Variants in EPHA5 observed in about 807,000 individuals in gnomAD.
EPHA5 encodes EPH receptor A5.
EPHA5 carries 60 observed loss-of-function variants against 105.0 expected under a neutral mutation model. The observed-to-expected ratio is 0.57, with a 90% CI of 0.46 to 0.71. EPHA5 has a LOEUF of 0.71. EPHA5 is among the 30% of genes least tolerant of loss of function. The probability of loss-of-function intolerance (pLI) is 0.00; values close to 1 mark genes in which losing one functional copy is unlikely to be tolerated. For synonymous variants in EPHA5, 513 were observed against 449.1 expected (o/e 1.14, Z -1.80); for missense variants, 1,218 against 1,274.7 (o/e 0.96, Z 0.68).
chr4:65,384,731 T>C (rs1390302270), intron 8 of EPHA5, among the ~76,000 whole-genome samples: 4 of 151,950 alleles, frequency 2.6e-5, no homozygotes, highest in Non-Finnish European at 5.9e-5. Context: ...GAAGAGATAA[T>C]CTTTACTAGT....
intron 11 of EPHA5, among the ~76,000 whole-genome samples, chr4:65,359,212 T>G (rs1311228363): frequency 6.6e-6 from 1 of 151,624 alleles, no homozygotes; most frequent in East Asian, 1.9e-4. Flanking sequence ...GTACGTGTAT[T>G]TATTAAAAAC....
Position 65,507,423 on chromosome 4 carries a change from T to C in EPHA5, c.911-11880A>G, listed in dbSNP as rs180708658. Among the ~76,000 whole-genome samples the C allele has an allele frequency of 4.0e-4, 61 of 152,308 alleles. No individual in the cohort carries two copies. In the East Asian group the frequency reaches 8.7e-3, roughly 22 times the overall value. ...GTGAAGAAAGCCATTGGTAGCTTAA[T>C]GGGGATGGCATTGAATCTATAAATT... On this transcript the variant is annotated intron_variant, in intron 3 of 16. Transcript: ENST00000613740.
At chr4:65,331,780 A>G (rs1720642414) in intron 16 of EPHA5, 193 bp downstream of exon 16, 3 of 1,247,640 alleles carry the variant, frequency 2.4e-6, no homozygotes, top group Non-Finnish European at 3.0e-6. Flanking sequence ...GAAGCAAAGA[A>G]GCAAAGATAC....
Position 65,321,812 on chromosome 4 carries a change from T to G in EPHA5, c.*2302A>C, listed in dbSNP as rs2148770297. ...GTTGGAAAACAATGTAGAAAATATCTTTGTTATGTCTAAGCAATTGTGGCA... is the reference window on the plus strand; with the variant it reads ...GTTGGAAAACAATGTAGAAAATATCGTTGTTATGTCTAAGCAATTGTGGCA... On this transcript the variant is annotated 3_prime_UTR_variant, in exon 17 of 17. Coordinates refer to ENST00000613740, the MANE Select transcript of EPHA5 (RefSeq NM_001281766.3). The G allele has an allele frequency of 4.4e-6, 1 of 227,514 alleles. No individual in the cohort carries two copies. Among genetic ancestry groups the G allele is most frequent in the African/African-American group, 2.2e-5 (1 of 45,156 alleles). 14.1% of individuals were successfully genotyped at this position (227,514 alleles called of 1,614,324 possible).
chr4:65,331,938 G>A (rs2148797633), intron 16 of EPHA5, 35 bp downstream of exon 16: 1 of 1,568,286 alleles, frequency 6.4e-7, no homozygotes, highest in Non-Finnish European at 8.6e-7. Flanking sequence ...TCTTGCCCCA[G>A]CAATTATGTA....
intron 6 of EPHA5, among the ~76,000 whole-genome samples, chr4:65,418,354 T>C (rs1444431650): frequency 1.3e-5 from 2 of 152,180 alleles, no homozygotes; most frequent in African/African-American, 4.8e-5. Flanking sequence ...CCTCTGGAAT[T>C]TGCAATGCTG....
At chr4:65,549,511 G>T (rs865810306) in intron 3 of EPHA5, among the ~76,000 whole-genome samples, 2 of 151,338 alleles carry the variant, frequency 1.3e-5, no homozygotes, top group South Asian at 4.2e-4. Flanking sequence ...ATGATATTTG[G>T]GTTTGGGAAA....
chr4:65,528,671 T>A (rs1264368525), intron 3 of EPHA5, among the ~76,000 whole-genome samples: 1 of 152,180 alleles, frequency 6.6e-6, no homozygotes, highest in African/African-American at 2.4e-5. Context: ...TTTCCCTTTG[T>A]TTCATGTTAT....
chr4:65,585,120 TTGTGTG>T (rs76180882), intron 3 of EPHA5, among the ~76,000 whole-genome samples: 311 of 149,012 alleles, frequency 2.1e-3, no homozygotes, highest in Middle Eastern at 6.9e-3. Flanking sequence ...GCATGTGTGT[TTGTGTG>T]TGTGTGTGTG....
At chr4:65,561,644 A>G (rs934264120) in intron 3 of EPHA5, among the ~76,000 whole-genome samples, 3 of 152,124 alleles carry the variant, frequency 2.0e-5, no homozygotes, top group Admixed American at 6.6e-5. Context: ...CCCAGAAATT[A>G]AGACACATTG....
intron 3 of EPHA5, among the ~76,000 whole-genome samples, chr4:65,518,098 A>G (rs999303078): frequency 9.9e-5 from 15 of 151,956 alleles, no homozygotes; most frequent in African/African-American, 3.1e-4. Context: ...CATCAGTTTT[A>G]TTTAAAAGTT....
intron 15 of EPHA5, among the ~76,000 whole-genome samples, chr4:65,333,559 G>GTGTT (rs1164134726): frequency 8.3e-6 from 1 of 120,458 alleles, no homozygotes; most frequent in African/African-American, 3.4e-5. Context: ...GTGTGTGTGT[G>GTGTT]TGTGTGTGTG....
At chr4:65,447,468 C>A (rs914854147) in intron 5 of EPHA5, among the ~76,000 whole-genome samples, 8 of 149,094 alleles carry the variant, frequency 5.4e-5, no homozygotes, top group Non-Finnish European at 8.9e-5. Flanking sequence ...ATTAGAAACA[C>A]ATATATATAT....
At chr4:65,497,203 T>C (rs1399401811) in intron 3 of EPHA5, among the ~76,000 whole-genome samples, 2 of 152,168 alleles carry the variant, frequency 1.3e-5, no homozygotes, top group African/African-American at 4.8e-5. Context: ...GGTGAACTTG[T>C]ATTTCAGTAG....
chr4:65,376,610 T>C (rs886478000), intron 8 of EPHA5, among the ~76,000 whole-genome samples: 3 of 152,030 alleles, frequency 2.0e-5, no homozygotes, highest in East Asian at 3.9e-4. Context: ...GGTCATTCCA[T>C]GGTTTTGGGA....
intron 5 of EPHA5, among the ~76,000 whole-genome samples, chr4:65,475,485 T>A (rs1182512712): frequency 6.6e-6 from 1 of 152,106 alleles, no homozygotes; most frequent in African/African-American, 2.4e-5. Context: ...TTATACTACA[T>A]CTACACAGCA....
At chr4:65,487,159 T>C (rs1313705373) in intron 5 of EPHA5, among the ~76,000 whole-genome samples, 1 of 152,190 alleles carries the variant, frequency 6.6e-6, no homozygotes, top group Non-Finnish European at 1.5e-5. Flanking sequence ...CTTTATAAAT[T>C]ACCCAGTCTC....
intron 5 of EPHA5, among the ~76,000 whole-genome samples, chr4:65,441,251 G>A (rs1033256025): frequency 4.0e-5 from 6 of 151,670 alleles, no homozygotes; most frequent in African/African-American, 1.5e-4. Context: ...CAAATGACCT[G>A]TAAACATGAA....
intron 8 of EPHA5, among the ~76,000 whole-genome samples, chr4:65,378,861 G>A (rs1057404129): frequency 6.6e-6 from 1 of 151,556 alleles, no homozygotes; most frequent in Non-Finnish European, 1.5e-5. Context: ...TACCATAATT[G>A]GTATTAACTA....
Sources: gnomAD v4.1 joint callset for allele counts (sites outside exome capture counted in the v4.1 genomes callset) on GRCh38, gnomAD v4.1.1 for gene constraint, MANE v1.5 for transcripts, NCBI Gene and HGNC (gene_info 2026-07-23, HGNC 2026-07-21) for gene names.